Variants in ZXDC observed in about 807,000 individuals in gnomAD.
ZXDC encodes the protein ZXD family zinc finger C.
ZXDC carries 58 observed loss-of-function variants against 63.6 expected under a neutral mutation model. The ratio of observed to expected loss-of-function variants is 0.91; its 90% CI spans 0.74 to 1.13. The LOEUF is 1.13. ZXDC is among the 50% of genes most tolerant of loss of function. The pLI, the probability that ZXDC is intolerant of heterozygous loss-of-function variation, is 0.00. For missense variants in ZXDC, 1,133 were observed against 1,148.9 expected (o/e 0.99, Z 0.20); for synonymous variants, 561 against 496.1 (o/e 1.13, Z -1.74).
Position 126,452,509 on chromosome 3 carries a change from T to C in ZXDC, c.2212+7144A>G, listed in dbSNP as rs1481263326. The C allele has an allele frequency of 5.1e-6, 5 of 985,242 alleles. No homozygotes were observed. The African/African-American group carries it at 7.0e-5, about 14-fold the overall frequency. 61.0% of individuals were successfully genotyped at this position (985,242 alleles called of 1,614,324 possible). A position where few individuals can be genotyped will look rare whatever the true frequency, so the allele number is the denominator to read the frequency against. On this transcript the variant is annotated intron_variant, in intron 7 of 9. Coordinates refer to ENST00000389709, the MANE Select transcript of ZXDC (RefSeq NM_025112.5). ...CAACTGCTCTCCCTGAAACCTCCCA[T>C]CCATTTTGTAAATCAAATACAGGAT...
intron 7 of ZXDC, among the ~76,000 whole-genome samples, chr3:126,448,431 C>T (rs541118342): frequency 2.0e-5 from 3 of 152,260 alleles, no homozygotes; most frequent in Non-Finnish European, 4.4e-5. Context: ...TGAGAAAGTA[C>T]AGGGTACCCT....
intron 7 of ZXDC, chr3:126,452,426 G>A: frequency 1.0e-6 from 1 of 985,342 alleles, no homozygotes; most frequent in Non-Finnish European, 1.2e-6. Context: ...CAGGAGCCGA[G>A]CACTCCTCCC....
chr3:126,468,769 G>A (rs1280756720), intron 4 of ZXDC, among the ~76,000 whole-genome samples: 1 of 151,978 alleles, frequency 6.6e-6, no homozygotes, highest in Non-Finnish European at 1.5e-5. Flanking sequence ...AACCCCGCAG[G>A]TGGCACCGAG....
intron 4 of ZXDC, among the ~76,000 whole-genome samples, chr3:126,466,643 T>C (rs755242760): frequency 6.6e-6 from 1 of 152,246 alleles, no homozygotes. Context: ...AATTAAGTAT[T>C]AACTGCTTAA....
chr3:126,454,497 C>T lies in ZXDC; in HGVS notation c.2212+5156G>A, dbSNP rs375861523. 177 of 985,394 alleles carry T rather than the reference C, an allele frequency of 1.8e-4. No individual in the cohort carries two copies. The South Asian group carries it at 7.5e-3, about 42-fold the overall frequency. The allele number at this position is 985,394 out of a possible 1,614,324, so 61.0% of individuals were successfully genotyped here. On this transcript the variant is annotated intron_variant, in intron 7 of 9. Transcript: ENST00000389709. Reference sequence around the variant, plus strand: ...TGTGATTTGCCTTTGCTTTATTTTACCCTGTCTTAATCTTAACCTTCCCAA... The same window carrying T: ...TGTGATTTGCCTTTGCTTTATTTTATCCTGTCTTAATCTTAACCTTCCCAA...
chr3:126,453,177 C>G (rs1934174627), intron 7 of ZXDC: 1 of 985,364 alleles, frequency 1.0e-6, no homozygotes, highest in Non-Finnish European at 1.2e-6. Flanking sequence ...CTAGAAAACT[C>G]TGCATTTTGT....
chr3:126,471,978 G>A lies in ZXDC; in HGVS notation c.1134C>T (p.His378=), dbSNP rs1328397933. Residue 378 remains histidine (H), a synonymous_variant, in exon 3 of 10, where the codon CAC becomes CAT. Transcript: ENST00000389709. The part of the protein sequence containing the change: ...TFTSMSKLLR[H]RRKHDDDRRF... Reference sequence around the variant, plus strand: ...AACCAAAATGTAAGGATTACCTTCTGTGCCTTAGAAGTTTGGACATGCTGG... The same window carrying A: ...AACCAAAATGTAAGGATTACCTTCTATGCCTTAGAAGTTTGGACATGCTGG... 1.2e-6 allele frequency: 2 copies of A among 1,612,196 alleles called. No homozygotes were observed. The highest frequency in any genetic ancestry group is 2.2e-5 in the East Asian group (1 of 44,848).
chr3:126,457,387 C>T, intron 7 of ZXDC: 1 of 985,402 alleles, frequency 1.0e-6, no homozygotes, highest in Non-Finnish European at 1.2e-6. Flanking sequence ...ACACCAGTGC[C>T]CTGCATGTTT....
intron 7 of ZXDC, chr3:126,450,430 C>T (rs1056233181): frequency 4.4e-6 from 2 of 456,610 alleles, no homozygotes; most frequent in African/African-American, 2.0e-5. Flanking sequence ...CAGGGGTGTA[C>T]ACGGGGCCCA....
At chr3:126,441,507 A>C in intron 8 of ZXDC, 1 of 1,265,690 alleles carries the variant, frequency 7.9e-7, no homozygotes, top group Non-Finnish European at 9.9e-7. Context: ...AGGGCTGTGC[A>C]CAGACAGGTT....
chr3:126,462,261 T>C (rs1217999926), intron 5 of ZXDC, 41 bp from the exon 6 acceptor site: 3 of 1,538,924 alleles, frequency 1.9e-6, no homozygotes, highest in Non-Finnish European at 2.6e-6. Flanking sequence ...TTTATGACCT[T>C]GAAGACTGAG....
chr3:126,439,361 G>T lies in ZXDC; in HGVS notation c.2490+271C>A, dbSNP rs139613568. On this transcript the variant is annotated intron_variant, in intron 9 of 9. Transcript: ENST00000389709. ...GGCCCTGGCCAGCCCTCTTCCCAGAGAATTAACTGGAATTCCTAGGCACAA... is the reference window on the plus strand; with the variant it reads ...GGCCCTGGCCAGCCCTCTTCCCAGATAATTAACTGGAATTCCTAGGCACAA... 3.5e-3 allele frequency among the ~76,000 whole-genome samples: 527 copies of T among 152,302 alleles called. 5 individuals are homozygous for T. The highest frequency in any genetic ancestry group is 0.012 in the African/African-American group (504 of 41,572).
In ZXDC at chr3:126,472,147, C is replaced by G. The variant is rs1935003171; in HGVS notation, c.1060+6G>C. 2.5e-6 allele frequency: 4 copies of G among 1,609,978 alleles called. No individual in the cohort carries two copies. The highest frequency in any genetic ancestry group is 3.4e-6 in the Non-Finnish European group (4 of 1,176,446). On this transcript the variant is annotated splice_donor_region_variant and intron_variant, in intron 2 of 9. Transcript: ENST00000389709. The stretch of plus-strand genomic sequence containing the variant: ...TCCAAATGCTGTGCGTTCCCTAGCT[C>G]ATTACCTGTATGGCTCCGCAGGTGA...
At chr3:126,458,107 C>T (rs933955533) in intron 7 of ZXDC, among the ~76,000 whole-genome samples, 2 of 152,132 alleles carry the variant, frequency 1.3e-5, no homozygotes, top group African/African-American at 2.4e-5. Context: ...CAGACAGTTA[C>T]ATAAAATATT....
At chr3:126,473,385 C>G (rs1342307491) in intron 1 of ZXDC, among the ~76,000 whole-genome samples, 1 of 152,218 alleles carries the variant, frequency 6.6e-6, no homozygotes, top group African/African-American at 2.4e-5. Flanking sequence ...TTTGATGATG[C>G]TTCCCTGGTC....
chr3:126,472,069 T>C lies in ZXDC; in HGVS notation c.1061-18A>G, dbSNP rs1168703442. The C allele has an allele frequency of 6.2e-7, 1 of 1,610,080 alleles. No individual in the cohort carries two copies. Among genetic ancestry groups the C allele is most frequent in the Admixed American group, 1.7e-5 (1 of 59,092 alleles). On this transcript the variant is annotated intron_variant, in intron 2 of 9. Coordinates refer to ENST00000389709, the MANE Select transcript of ZXDC (RefSeq NM_025112.5). ...TCTTTCACCTTATAAAAGAAAAAATTATACAGCATAAAATTTACAACTCCA... is the reference window on the plus strand; with the variant it reads ...TCTTTCACCTTATAAAAGAAAAAATCATACAGCATAAAATTTACAACTCCA...
At chr3:126,466,108 T>C in intron 5 of ZXDC, 47 bp downstream of exon 5, 1 of 1,579,746 alleles carries the variant, frequency 6.3e-7, no homozygotes, top group South Asian at 1.1e-5. Flanking sequence ...CTGTTCCCGT[T>C]TCTCACAGGG....
In ZXDC at chr3:126,461,545, T is replaced by C; in HGVS notation, c.2117A>G (p.Asn706Ser). ...TAGAGTGCTTCATACCAAATAGAAG[T>C]TGCCAGTGCCTGCACTGAGCTCTGT... Reference protein sequence around the residue: ...QDTELSAGTGNFYLESGGSAR... With the variant: ...QDTELSAGTGSFYLESGGSAR... The change falls in exon 6 of 10, where the codon AAC (asparagine) becomes AGC (serine). Residue 706 changes from asparagine to serine, a missense_variant. Asn to Ser is a conservative substitution (Grantham distance 46). Coordinates refer to ENST00000389709, the MANE Select transcript of ZXDC (RefSeq NM_025112.5). 2 of 1,608,526 alleles carry C rather than the reference T, an allele frequency of 1.2e-6. No individual in the cohort carries two copies. The highest frequency in any genetic ancestry group is 1.7e-6 in the Non-Finnish European group (2 of 1,175,898).
At chr3:126,454,613 G>A (rs1934238530) in intron 7 of ZXDC, 1 of 985,394 alleles carries the variant, frequency 1.0e-6, no homozygotes, top group East Asian at 1.1e-4. Context: ...GAAAGGAGAG[G>A]TGCCCTCATT....
Sources: allele counts gnomAD v4.1 joint callset (sites outside exome capture counted in the v4.1 genomes callset), GRCh38; gene constraint gnomAD v4.1.1; transcripts MANE v1.5; gene names NCBI Gene and HGNC (gene_info 2026-07-23, HGNC 2026-07-21).